Variants in CACNA2D1 observed in about 807,000 individuals in gnomAD.
The protein encoded by CACNA2D1 is voltage-dependent calcium channel subunit alpha-2/delta-1.
In CACNA2D1, 53 loss-of-function variants were observed where a neutral mutation model predicts 171.5. That is an observed-to-expected ratio of 0.31 (90% confidence interval 0.25 to 0.39). CACNA2D1 has a LOEUF of 0.39. Ranked by LOEUF, CACNA2D1 falls within the 10% of genes least tolerant of loss-of-function variation. The pLI is 1.00. For missense variants in CACNA2D1, 903 were observed against 1,299.8 expected, an observed-to-expected ratio of 0.69 and a Z score of 4.69; for synonymous variants, 442 against 443.1, an observed-to-expected ratio of 1.00 and a Z score of 0.03.
chr7:82,008,604 C>G (rs1388358562), intron 15 of CACNA2D1, among the ~76,000 whole-genome samples: 3 of 152,056 alleles, frequency 2.0e-5, no homozygotes, highest in Non-Finnish European at 4.4e-5. Context: ...TTAACAAAAT[C>G]ACTCTTTAAA....
At chr7:82,154,391 T>C (rs946318111) in intron 4 of CACNA2D1, among the ~76,000 whole-genome samples, 2 of 151,916 alleles carry the variant, frequency 1.3e-5, no homozygotes, top group Non-Finnish European at 2.9e-5. Flanking sequence ...AGTAGAAAGG[T>C]ATGGTATGTA....
chr7:82,117,169 T>C lies in CACNA2D1; in HGVS notation c.401A>G (p.Glu134Gly), dbSNP rs1584806943. 6.2e-7 allele frequency: 1 copy of C among 1,613,608 alleles called. No homozygotes were observed. Among genetic ancestry groups the C allele is most frequent in the South Asian group, 1.1e-5 (1 of 91,076 alleles). ...GCTGCCTGGCTCACTGTCATTTTTCTCAGGCTATATAGAAAAAGAATAAAC... is the reference window on the plus strand; with the variant it reads ...GCTGCCTGGCTCACTGTCATTTTTCCCAGGCTATATAGAAAAAGAATAAAC... ...YYNAKDDLDP[E>G]KNDSEPGSQR... The change falls in exon 6 of 39, where the codon GAG becomes GGG. Residue 134 changes from glutamate to glycine, a missense_variant. By Grantham distance (98) the Glu-to-Gly change is moderately conservative. Around this residue, in one of 5 missense-constraint regions of CACNA2D1, gnomAD observed 189 missense variants for 266.8 expected, o/e 0.71. Coordinates refer to ENST00000356860, the MANE Select transcript of CACNA2D1 (RefSeq NM_000722.4).
intron 1 of CACNA2D1, among the ~76,000 whole-genome samples, chr7:82,357,419 C>T (rs558695900): frequency 2.0e-4 from 31 of 152,028 alleles, no homozygotes; most frequent in South Asian, 4.2e-4. Context: ...TGTTTTAAAT[C>T]CTAAGCTAAA....
chr7:82,419,008 G>A (rs924786544), intron 1 of CACNA2D1, among the ~76,000 whole-genome samples: 1 of 151,946 alleles, frequency 6.6e-6, no homozygotes. Flanking sequence ...TACTTGGGAG[G>A]CTGAGGCAGG....
intron 3 of CACNA2D1, among the ~76,000 whole-genome samples, chr7:82,323,556 C>T (rs6467892): frequency 0.034 from 5,244 of 152,216 alleles, 302 homozygotes; most frequent in African/African-American, 0.12. Context: ...CAGAAGGACC[C>T]CATGTTTGGT....
chr7:82,185,316 T>A (rs538176779), intron 3 of CACNA2D1, among the ~76,000 whole-genome samples: 1 of 144,616 alleles, frequency 6.9e-6, no homozygotes, highest in Non-Finnish European at 1.5e-5. Flanking sequence ...GCTGCAGCAT[T>A]CACAGATTGG....
chr7:81,961,573 GA>G (rs1169260622), intron 36 of CACNA2D1, among the ~76,000 whole-genome samples: 1 of 150,760 alleles, frequency 6.6e-6, no homozygotes, highest in Non-Finnish European at 1.5e-5. Context: ...GTTATTTTAG[GA>G]AAAAAAGTTA....
chr7:82,372,078 C>A (rs1189241255), intron 1 of CACNA2D1, among the ~76,000 whole-genome samples: 1 of 151,958 alleles, frequency 6.6e-6, no homozygotes, highest in East Asian at 1.9e-4. Context: ...GCTTTTAATT[C>A]CCTTCAGTAT....
At chr7:82,138,691 C>A (rs1013250405) in intron 4 of CACNA2D1, among the ~76,000 whole-genome samples, 3 of 151,956 alleles carry the variant, frequency 2.0e-5, no homozygotes, top group African/African-American at 7.3e-5. Context: ...CGTGATCCGC[C>A]CGCCTCAGCC....
intron 3 of CACNA2D1, among the ~76,000 whole-genome samples, chr7:82,253,005 T>C (rs1805855273): frequency 6.6e-6 from 1 of 152,080 alleles, no homozygotes; most frequent in African/African-American, 2.4e-5. Context: ...AGCCCAATTT[T>C]AAAGAATGAG....
intron 2 of CACNA2D1, among the ~76,000 whole-genome samples, chr7:82,341,718 A>G (rs1818653164): frequency 6.6e-6 from 1 of 152,142 alleles, no homozygotes; most frequent in African/African-American, 2.4e-5. Flanking sequence ...ATAGGTAATC[A>G]TTTTACAAGA....
intron 3 of CACNA2D1, among the ~76,000 whole-genome samples, chr7:82,253,138 C>T (rs1805871287): frequency 6.6e-6 from 1 of 152,062 alleles, no homozygotes; most frequent in Non-Finnish European, 1.5e-5. Flanking sequence ...AGGGCTTATA[C>T]TGGATTTGAC....
At chr7:82,012,346 G>T (rs1799892361) in intron 14 of CACNA2D1, 103 bp from the exon 15 acceptor site, 1 of 715,524 alleles carries the variant, frequency 1.4e-6, no homozygotes, top group African/African-American at 1.8e-5. Flanking sequence ...AATGAATATA[G>T]AATCAAAATT....
chr7:82,361,664 T>A (rs1821093066), intron 1 of CACNA2D1, among the ~76,000 whole-genome samples: 1 of 152,134 alleles, frequency 6.6e-6, no homozygotes, highest in Non-Finnish European at 1.5e-5. Flanking sequence ...TTTGTATAAC[T>A]AAATCCAATA....
chr7:82,322,778 C>T (rs1316454675), intron 3 of CACNA2D1, among the ~76,000 whole-genome samples: 4 of 152,002 alleles, frequency 2.6e-5, no homozygotes, highest in African/African-American at 9.7e-5. Context: ...ACTTTAGAAG[C>T]TTTAAACAAT....
intron 30 of CACNA2D1, 133 bp from the exon 31 acceptor site, chr7:81,967,340 A>G (rs990116008): frequency 2.6e-6 from 2 of 774,644 alleles, no homozygotes; most frequent in Non-Finnish European, 2.1e-6. Flanking sequence ...CTAGTCTATA[A>G]GAAACAAAAG....
chr7:82,259,923 G>A (rs1006038363), intron 3 of CACNA2D1, among the ~76,000 whole-genome samples: 3 of 152,026 alleles, frequency 2.0e-5, no homozygotes, highest in South Asian at 2.1e-4. Flanking sequence ...TAAGAATTAC[G>A]TGAATTAAAA....
At chr7:82,189,274 C>T (rs1397989098) in intron 3 of CACNA2D1, among the ~76,000 whole-genome samples, 2 of 151,974 alleles carry the variant, frequency 1.3e-5, no homozygotes, top group African/African-American at 4.8e-5. Context: ...AGCATAAGCA[C>T]AGTATAAATG....
chr7:81,955,225 A>G (rs1407894478), intron 38 of CACNA2D1, among the ~76,000 whole-genome samples: 3 of 151,996 alleles, frequency 2.0e-5, no homozygotes, highest in Non-Finnish European at 4.4e-5. Context: ...ACCGGGTATA[A>G]GGGCCCCTTG....
Sources: gnomAD v4.1 joint callset for allele counts (sites outside exome capture counted in the v4.1 genomes callset) on GRCh38, gnomAD v4.1.1 for gene constraint, gnomAD v4.1.1 regional missense constraint, MANE v1.5 for transcripts, NCBI Gene and HGNC (gene_info 2026-07-23, HGNC 2026-07-21) for gene names.